VPS13D: variants seen among roughly 807,000 people sequenced by gnomAD.
VPS13D encodes vacuolar protein sorting 13 homolog D.
A neutral mutation model predicts 461.9 loss-of-function variants in VPS13D; 187 were observed. That is an observed-to-expected ratio of 0.40 (90% CI 0.36 to 0.46). VPS13D has a LOEUF of 0.46. Among genes scored for constraint, VPS13D ranks in the 20% least tolerant of loss-of-function variants. VPS13D has a pLI of 0.60. For missense variants in VPS13D, 4,711 were observed against 5,364.9 expected (o/e 0.88, Z 3.81); for synonymous variants, 1,951 against 1,986.3 (o/e 0.98, Z 0.47).
chr1:12,390,468 G>T (rs554360792), intron 60 of VPS13D, among the ~76,000 whole-genome samples: 2 of 152,332 alleles, frequency 1.3e-5, no homozygotes, highest in South Asian at 4.1e-4. Flanking sequence ...TAGCCGTAAG[G>T]TGAGTGCCTT....
At chr1:12,508,075 C>T (rs1291831854) in intron 69 of VPS13D, among the ~76,000 whole-genome samples, 1 of 152,146 alleles carries the variant, frequency 6.6e-6, no homozygotes, top group African/African-American at 2.4e-5. Flanking sequence ...GTAAGGCTCC[C>T]GTGGGGTCAT....
At position 12,276,089 on chromosome 1, in the gene VPS13D, A is replaced by G. The variant is rs1173777337; in HGVS notation, c.2501A>G (p.Asn834Ser). The G allele has an allele frequency of 2.5e-6, 4 of 1,614,088 alleles. No individual in the cohort carries two copies. The highest frequency in any genetic ancestry group is 4.5e-5 in the East Asian group (2 of 44,856). Residue 834 changes from asparagine to serine, a missense_variant, in exon 19 of 70, where the codon AAT (asparagine) becomes AGT (serine). Around this residue, in one of 3 missense-constraint regions of VPS13D, gnomAD observed 4,411 missense variants for 4,937.8 expected, o/e 0.89. Transcript: ENST00000620676. This position sits in a 1 kb window ranked among gnomAD's most constrained non-coding sequence, Gnocchi z 4.5. ...ATCATGGTTGGACGAGTGAAAGACA[A>G]TTGGAAGCATGTCCAGGATATTGAC... The part of the protein sequence containing the change: ...LQIMVGRVKD[N>S]WKHVQDIDVG...
intron 40 of VPS13D, 63 bp from the exon 41 acceptor site, chr1:12,341,717 G>A (rs1643571143): frequency 6.7e-7 from 1 of 1,484,052 alleles, no homozygotes; most frequent in Non-Finnish European, 9.3e-7. Context: ...TCTCCAGGTT[G>A]GGGGAGGGTC....
intron 7 of VPS13D, 184 bp from the exon 8 acceptor site, chr1:12,256,149 T>G: frequency 5.1e-6 from 3 of 592,072 alleles, no homozygotes; most frequent in East Asian, 3.2e-5. Flanking sequence ...GGCAATATAG[T>G]GAGATCCTGT....
At chr1:12,337,755 T>G (rs1293224267) in intron 39 of VPS13D, 1 of 154,260 alleles carries the variant, frequency 6.5e-6, no homozygotes, top group East Asian at 1.9e-4. Flanking sequence ...AGAGATTGTT[T>G]AAATTTGGAA....
intron 23 of VPS13D, 74 bp downstream of exon 23, chr1:12,291,198 C>A: frequency 1.3e-6 from 2 of 1,513,686 alleles, no homozygotes; most frequent in Non-Finnish European, 8.9e-7. Flanking sequence ...GTTGGCTAGA[C>A]AATAAAGAAA....
At position 12,329,931 on chromosome 1, in the gene VPS13D, C is replaced by A; in HGVS notation, c.8287+13C>A. 7.1e-7 allele frequency: 1 copy of A among 1,416,306 alleles called. No homozygotes were observed. Among genetic ancestry groups the A allele is most frequent in the Non-Finnish European group, 9.5e-7 (1 of 1,053,700 alleles). The allele number at this position is 1,416,306 out of a possible 1,614,324, so 87.7% of individuals were successfully genotyped here. A position where few individuals can be genotyped will look rare whatever the true frequency, so the allele number is the denominator to read the frequency against. ...CGTGCTCTTTCAGGTCAGTATAAAG[C>A]ATATGTTATCATGGGATTTAAAAAA... On this transcript the variant is annotated intron_variant, in intron 37 of 69. Coordinates refer to ENST00000620676, the MANE Select transcript of VPS13D (RefSeq NM_015378.4).
Position 12,267,889 on chromosome 1 carries a change from T to C in VPS13D, c.1770T>C (p.Thr590=). The C allele has an allele frequency of 6.2e-7, 1 of 1,614,210 alleles. No homozygotes were observed. Among genetic ancestry groups the C allele is most frequent in the Non-Finnish European group, 8.5e-7 (1 of 1,180,014 alleles). Reference sequence around the variant, plus strand: ...TCTCACAATCTTTTGGTCTACAAACTACATCTGCAGACAGAAGTGATCATT... The same window carrying C: ...TCTCACAATCTTTTGGTCTACAAACCACATCTGCAGACAGAAGTGATCATT... ...GRVSQSFGLQ[T]TSADRSDHYP... Residue 590 remains threonine (T), a synonymous_variant, in exon 15 of 70, where the codon ACT becomes ACC. Coordinates refer to ENST00000620676, the MANE Select transcript of VPS13D (RefSeq NM_015378.4).
rs1045398159 is a variant in VPS13D, at chr1:12,510,438, A to G, written c.*1414A>G. ...TGCGTGGAAGGTTTTGGTGTTTATA[A>G]CTCATGACCCAAATCCTTCCAAGAC... On this transcript the variant is annotated 3_prime_UTR_variant, in exon 70 of 70. Transcript: ENST00000620676. 2.0e-4 allele frequency: 30 copies of G among 151,768 alleles called. No individual in the cohort carries two copies. The highest frequency in any genetic ancestry group is 7.3e-4 in the African/African-American group (30 of 41,258). 9.4% of individuals were successfully genotyped at this position (151,768 alleles called of 1,614,324 possible). A position where few individuals can be genotyped will look rare whatever the true frequency, so the allele number is the denominator to read the frequency against.
rs1265105903 is a variant in VPS13D at position 12,474,007 on chromosome 1, T to G, written c.12662+13611T>G. On this transcript the variant is annotated intron_variant, in intron 67 of 69. Transcript: ENST00000620676. ...AGGTGACCCCAAACTATTGTTAGTG[T>G]CTGCTGTAAATGATATGCCTCTGGG... is the stretch of plus-strand genomic sequence containing the variant. Among the ~76,000 whole-genome samples, 4 of 152,220 alleles carry G rather than the reference T, an allele frequency of 2.6e-5. No homozygotes were observed. The East Asian group carries it at 7.7e-4, about 29-fold the overall frequency.
At chr1:12,464,034 G>C (rs1034162065) in intron 67 of VPS13D, among the ~76,000 whole-genome samples, 2 of 152,192 alleles carry the variant, frequency 1.3e-5, no homozygotes, top group Non-Finnish European at 2.9e-5. Context: ...ATCCTTGCAG[G>C]TGGAGAAATG....
At chr1:12,314,490 A>G (rs1273939525) in intron 30 of VPS13D, among the ~76,000 whole-genome samples, 163 bp downstream of exon 30, 1 of 152,226 alleles carries the variant, frequency 6.6e-6, no homozygotes, top group Admixed American at 6.5e-5. Context: ...CATTATTCCT[A>G]TAATCTTGCA....
chr1:12,311,325 C>T (rs996804701), intron 27 of VPS13D, 129 bp from the exon 28 acceptor site: 1 of 768,862 alleles, frequency 1.3e-6, no homozygotes, highest in East Asian at 3.0e-5. Flanking sequence ...AAATTTTTGT[C>T]ATTGGAAGTA....
At chr1:12,281,159 GCTT>G (rs1291252330) in intron 20 of VPS13D, among the ~76,000 whole-genome samples, 1 of 151,620 alleles carries the variant, frequency 6.6e-6, no homozygotes, top group Non-Finnish European at 1.5e-5. Flanking sequence ...AAAACTAGGT[GCTT>G]CTTCTTACAT....
intron 53 of VPS13D, 123 bp downstream of exon 53, chr1:12,368,714 G>A: frequency 1.7e-6 from 2 of 1,183,712 alleles, no homozygotes; most frequent in Non-Finnish European, 2.3e-6. Flanking sequence ...TATATGGATA[G>A]GTTCTTTATA....
chr1:12,340,871 G>A (rs1479874130), intron 40 of VPS13D, among the ~76,000 whole-genome samples: 1 of 152,172 alleles, frequency 6.6e-6, no homozygotes, highest in East Asian at 1.9e-4. Flanking sequence ...TGTGGCCAGT[G>A]GAGGAGACAG....
chr1:12,341,048 T>C (rs1569951353), intron 40 of VPS13D, among the ~76,000 whole-genome samples: 2 of 152,354 alleles, frequency 1.3e-5, no homozygotes, highest in East Asian at 3.9e-4. Context: ...AGGTCACCGC[T>C]CTTTAGAATT....
At chr1:12,315,503 G>T (rs906018914) in intron 30 of VPS13D, among the ~76,000 whole-genome samples, 1 of 152,152 alleles carries the variant, frequency 6.6e-6, no homozygotes, top group Non-Finnish European at 1.5e-5. Context: ...CTTTAGCTAC[G>T]CTCAGTATAA....
chr1:12,307,816 G>C (rs778055779), intron 26 of VPS13D, among the ~76,000 whole-genome samples: 12 of 152,284 alleles, frequency 7.9e-5, no homozygotes, highest in Non-Finnish European at 7.3e-5. Flanking sequence ...TGGATTAACC[G>C]TAGCCAGTAA....
Sources: gnomAD v4.1 joint callset for allele counts (sites outside exome capture counted in the v4.1 genomes callset) on GRCh38, gnomAD v4.1.1 for gene constraint, gnomAD v4.1.1 regional missense constraint, Gnocchi (gnomAD v3.1) non-coding constraint, MANE v1.5 for transcripts, NCBI Gene and HGNC (gene_info 2026-07-23, HGNC 2026-07-21) for gene names.